Variants in RHEX observed in about 807,000 individuals in gnomAD.
RHEX encodes regulator of hemoglobinization and erythroid cell expansion protein.
A neutral mutation model predicts 20.1 loss-of-function variants in RHEX; 18 were observed. The ratio of observed to expected loss-of-function variants is 0.90; its 90% CI spans 0.62 to 1.33. RHEX has a LOEUF of 1.33. RHEX is among the 40% of genes most tolerant of loss of function. The pLI, the probability that RHEX is intolerant of heterozygous loss-of-function variation, is 0.00. For synonymous variants in RHEX, 87 were observed against 77.1 expected (o/e 1.13, Z -0.67); for missense variants, 192 against 214.3 (o/e 0.90, Z 0.65).
intron 1 of RHEX, among the ~76,000 whole-genome samples, chr1:206,094,402 C>T (rs1426798405): frequency 8.5e-5 from 13 of 152,170 alleles, no homozygotes; most frequent in Non-Finnish European, 1.9e-4. Flanking sequence ...ATAGACCAAT[C>T]CAATTTTTAA....
intron 1 of RHEX, among the ~76,000 whole-genome samples, chr1:206,059,456 A>G (rs1553283055): frequency 6.6e-6 from 1 of 152,148 alleles, no homozygotes; most frequent in Non-Finnish European, 1.5e-5. Context: ...AAATTGCCTT[A>G]GTGATCCAAT....
chr1:206,090,240 T>C (rs1553286875), intron 1 of RHEX, among the ~76,000 whole-genome samples: 1 of 138,766 alleles, frequency 7.2e-6, no homozygotes, highest in Non-Finnish European at 1.5e-5. Context: ...AGAGTCTCAC[T>C]CTATCCCCCA....
intron 1 of RHEX, among the ~76,000 whole-genome samples, chr1:206,053,594 T>TA (rs1411664557): frequency 1.3e-5 from 2 of 151,948 alleles, no homozygotes; most frequent in South Asian, 2.1e-4. Context: ...GGAACTATGT[T>TA]AAAAAAAAAT....
At chr1:206,059,735 C>T (rs1662272023) in intron 1 of RHEX, among the ~76,000 whole-genome samples, 1 of 152,122 alleles carries the variant, frequency 6.6e-6, no homozygotes, top group East Asian at 1.9e-4. Context: ...TTTAAGATTC[C>T]TTTTAGCTCT....
chr1:206,059,969 C>T (rs1391678766), intron 1 of RHEX, among the ~76,000 whole-genome samples: 1 of 152,162 alleles, frequency 6.6e-6, no homozygotes, highest in Non-Finnish European at 1.5e-5. Context: ...GTACCTAGCA[C>T]TGCACATCCT....
intron 1 of RHEX, among the ~76,000 whole-genome samples, chr1:206,078,798 A>T (rs1357753303): frequency 6.6e-6 from 1 of 152,116 alleles, no homozygotes; most frequent in Non-Finnish European, 1.5e-5. Flanking sequence ...GGGGCAAGAA[A>T]CAACTGTCTA....
intron 1 of RHEX, among the ~76,000 whole-genome samples, chr1:206,081,073 G>T (rs977094669): frequency 6.6e-6 from 1 of 152,090 alleles, no homozygotes; most frequent in Non-Finnish European, 1.5e-5. Context: ...ACTCCTGGGC[G>T]CAAGCTATCT....
intron 1 of RHEX, chr1:206,061,485 G>A (rs782691171): frequency 6.6e-6 from 1 of 152,324 alleles, no homozygotes; most frequent in Non-Finnish European, 1.5e-5. Context: ...AGGGTGGTGG[G>A]AGGAGGCGGG....
chr1:206,072,333 T>G (rs1261963665), intron 1 of RHEX, among the ~76,000 whole-genome samples: 4 of 152,164 alleles, frequency 2.6e-5, no homozygotes, highest in Admixed American at 2.0e-4. Context: ...CCCAGCACTT[T>G]GGGAGGCCGA....
chr1:206,098,374 C>T (rs1663122495), intron 3 of RHEX, 193 bp downstream of exon 3: 2 of 564,252 alleles, frequency 3.5e-6, no homozygotes, highest in South Asian at 4.5e-5. Context: ...TCTGACCTCA[C>T]CTTTTAACCA....
chr1:206,053,485 C>G (rs1662112150), intron 1 of RHEX, among the ~76,000 whole-genome samples: 1 of 152,140 alleles, frequency 6.6e-6, no homozygotes, highest in Non-Finnish European at 1.5e-5. Flanking sequence ...TGTGTATGCC[C>G]TTTTTACCTG....
intron 1 of RHEX, among the ~76,000 whole-genome samples, chr1:206,071,921 G>A (rs1361847485): frequency 6.6e-6 from 1 of 151,820 alleles, no homozygotes; most frequent in Admixed American, 6.6e-5. Flanking sequence ...AACTGATTAT[G>A]TTATAAAGGA....
intron 1 of RHEX, among the ~76,000 whole-genome samples, chr1:206,055,487 A>G (rs1264687922): frequency 6.6e-6 from 1 of 152,222 alleles, no homozygotes; most frequent in Admixed American, 6.5e-5. Context: ...GAAAAAAAAA[A>G]TAATAAGACA....
rs1468754325 is a variant in RHEX at position 206,067,193 on chromosome 1, G to A, written c.-97+13928G>A. Among the ~76,000 whole-genome samples, 3 of 152,160 alleles carry A rather than the reference G, an allele frequency of 2.0e-5. No individual in the cohort carries two copies. The highest frequency in any genetic ancestry group is 4.1e-4 in the South Asian group (2 of 4,826). On this transcript the variant is annotated intron_variant, in intron 1 of 5. Coordinates refer to ENST00000331555, the MANE Select transcript of RHEX (RefSeq NM_001007544.4). This position sits in a 1 kb window ranked among gnomAD's most constrained non-coding sequence, Gnocchi z 4.6. ...TAACCTCCTATCTCATCAAAGCCAG[G>A]GAAACTTAAAGTTTTTCTGGGTGAT...
At chr1:206,082,532 AG>A (rs1662759851) in intron 1 of RHEX, among the ~76,000 whole-genome samples, 1 of 152,078 alleles carries the variant, frequency 6.6e-6, no homozygotes, top group Admixed American at 6.6e-5. Flanking sequence ...AAAAAAAAAA[AG>A]TTAATAGCTA....
chr1:206,101,112 G>A lies in RHEX; in HGVS notation c.257-24G>A, dbSNP rs1184603474. ...ACACCCTCTGGCTTGCTTTGGAAGAGGAACCGTTTCTATTTCTCCCCAGAT... is the reference window on the plus strand; with the variant it reads ...ACACCCTCTGGCTTGCTTTGGAAGAAGAACCGTTTCTATTTCTCCCCAGAT... On this transcript the variant is annotated intron_variant, in intron 4 of 5. Coordinates refer to ENST00000331555, the MANE Select transcript of RHEX (RefSeq NM_001007544.4). 13 of 1,604,748 alleles carry A rather than the reference G, an allele frequency of 8.1e-6. No individual in the cohort carries two copies. The African/African-American group carries it at 1.2e-4, about 15-fold the overall frequency.
intron 1 of RHEX, among the ~76,000 whole-genome samples, chr1:206,072,185 A>G (rs1457495812): frequency 6.6e-6 from 1 of 152,240 alleles, no homozygotes; most frequent in Non-Finnish European, 1.5e-5. Context: ...AATCTAGCCC[A>G]GAAGGAAGAA....
At chr1:206,083,226 C>A (rs1458079402) in intron 1 of RHEX, among the ~76,000 whole-genome samples, 2 of 152,206 alleles carry the variant, frequency 1.3e-5, no homozygotes, top group African/African-American at 2.4e-5. Context: ...TGTCTGAGCT[C>A]ATGTGGCACA....
chr1:206,071,299 C>CCTCTGCCA (rs1553284627), intron 1 of RHEX, among the ~76,000 whole-genome samples: 1 of 152,138 alleles, frequency 6.6e-6, no homozygotes, highest in East Asian at 1.9e-4. Context: ...CTTCATGATT[C>CCTCTGCCA]CTCTGCCAGC....
Sources: gnomAD v4.1 joint callset for allele counts (sites outside exome capture counted in the v4.1 genomes callset) on GRCh38, gnomAD v4.1.1 for gene constraint, Gnocchi (gnomAD v3.1) non-coding constraint, MANE v1.5 for transcripts, NCBI Gene and HGNC (gene_info 2026-07-23, HGNC 2026-07-21) for gene names.